MPDZ: variants seen among roughly 807,000 people sequenced by gnomAD.
MPDZ encodes multiple PDZ domain protein.
A neutral mutation model predicts 239.1 loss-of-function variants in MPDZ; 234 were observed. The ratio of observed to expected loss-of-function variants is 0.98; its 90% CI spans 0.88 to 1.09. The LOEUF (loss-of-function observed/expected upper bound fraction) is 1.09, where lower values mean the gene tolerates loss of function less well. Among genes scored for constraint, MPDZ ranks in the 50% least tolerant of loss-of-function variants. The probability of loss-of-function intolerance (pLI) is 0.00; values close to 1 mark genes in which losing one functional copy is unlikely to be tolerated. For missense variants in MPDZ, 3,175 were observed against 2,510.0 expected (o/e 1.26, Z -5.66); for synonymous variants, 1,048 against 881.3 (o/e 1.19, Z -3.35).
intron 3 of MPDZ, among the ~76,000 whole-genome samples, chr9:13,225,568 A>C (rs1960313846): frequency 6.6e-6 from 1 of 151,884 alleles, no homozygotes; most frequent in African/African-American, 2.4e-5. Context: ...CAGGTGTACC[A>C]TTTTTTACCT....
intron 41 of MPDZ, 25 bp downstream of exon 41, chr9:13,113,906 G>C (rs776220471): frequency 6.5e-6 from 10 of 1,542,124 alleles, no homozygotes; most frequent in South Asian, 1.2e-5. Flanking sequence ...TTCAAACCAT[G>C]TTTAAAATAC....
intron 1 of MPDZ, among the ~76,000 whole-genome samples, chr9:13,276,101 CAACT>C (rs1332615353): frequency 2.6e-5 from 4 of 152,110 alleles, no homozygotes; most frequent in Admixed American, 2.6e-4. Context: ...TAGATTCCTC[CAACT>C]AAGACCCTAC....
chr9:13,183,823 G>A (rs1045699231), intron 18 of MPDZ, among the ~76,000 whole-genome samples: 1 of 151,926 alleles, frequency 6.6e-6, no homozygotes, highest in African/African-American at 2.4e-5. Flanking sequence ...AAGGGCTAAA[G>A]GCAACAATTA....
intron 3 of MPDZ, among the ~76,000 whole-genome samples, chr9:13,233,376 TCACAGA>T (rs1488718140): frequency 3.9e-5 from 6 of 152,004 alleles, no homozygotes; most frequent in East Asian, 1.9e-4. Context: ...CAAATGAATC[TCACAGA>T]CACAAAGACA....
intron 35 of MPDZ, 75 bp from the exon 36 acceptor site, chr9:13,123,373 T>C (rs764651189): frequency 3.2e-5 from 42 of 1,330,218 alleles, no homozygotes; most frequent in Non-Finnish European, 4.0e-5. Context: ...ATCACACAGA[T>C]TGACTCTGAG....
chr9:13,231,161 T>TA (rs1367118928), intron 3 of MPDZ, among the ~76,000 whole-genome samples: 2 of 151,146 alleles, frequency 1.3e-5, no homozygotes, highest in African/African-American at 4.9e-5. Flanking sequence ...GCATTGGGAA[T>TA]AAAAAAAAGG....
intron 22 of MPDZ, among the ~76,000 whole-genome samples, chr9:13,165,753 AC>A (rs139311354): frequency 6.6e-6 from 1 of 152,316 alleles, no homozygotes; most frequent in East Asian, 1.9e-4. Flanking sequence ...GCTGCTAAGC[AC>A]AAAACCCTGG....
chr9:13,272,700 TAAAAAAAAAAAAAAAA>T (rs539786957), intron 1 of MPDZ, among the ~76,000 whole-genome samples: 1 of 78,584 alleles, frequency 1.3e-5, no homozygotes, highest in Non-Finnish European at 2.5e-5. Context: ...CTGTTCCTAC[TAAAAAAAAAAAAAAAA>T]AAAAAGAAGA....
At position 13,150,577 on chromosome 9, in the gene MPDZ, T is replaced by C; in HGVS notation, c.3564A>G (p.Lys1188=). The C allele has an allele frequency of 6.4e-7, 1 of 1,565,544 alleles. No individual in the cohort carries two copies. Among genetic ancestry groups the C allele is most frequent in the South Asian group, 1.2e-5 (1 of 81,976 alleles). ...CAGCTGGACTATCTTCCAGAACATG[T>C]TTGATGAAAATGCCCCTCATCACTT... ...NGEVMRGIFI[K]HVLEDSPAGK... is the part of the protein sequence containing the mutation. Residue 1188 remains lysine, a synonymous_variant, in exon 25 of 47, where the codon AAA becomes AAG. Coordinates refer to ENST00000319217, the MANE Select transcript of MPDZ (RefSeq NM_001378778.1).
In MPDZ at chr9:13,220,087, G is replaced by A. The variant is rs533512423; in HGVS notation, c.877-319C>T. ...AATGCCTTTTTGTGAATTTTTTGGA[G>A]GGAAAGAAGAAAATGCCCTTAAGCA... On this transcript the variant is annotated intron_variant, in intron 7 of 46. Transcript: ENST00000319217. 1.3e-4 allele frequency among the ~76,000 whole-genome samples: 20 copies of A among 151,918 alleles called. No homozygotes were observed. The South Asian group carries it at 3.9e-3, about 30-fold the overall frequency.
intron 1 of MPDZ, among the ~76,000 whole-genome samples, chr9:13,271,928 G>A (rs1446840129): frequency 1.3e-5 from 2 of 152,060 alleles, no homozygotes; most frequent in Non-Finnish European, 2.9e-5. Context: ...TAAAGCTCTA[G>A]AGAACGCAAA....
At chr9:13,233,040 G>A (rs1294934678) in intron 3 of MPDZ, among the ~76,000 whole-genome samples, 1 of 152,000 alleles carries the variant, frequency 6.6e-6, no homozygotes, top group Non-Finnish European at 1.5e-5. Context: ...ATTTAAAGTG[G>A]GTAGTACTAA....
chr9:13,168,284 A>AGAAGTGAAT (rs1951332067), intron 22 of MPDZ, 82 bp downstream of exon 22: 4 of 1,281,000 alleles, frequency 3.1e-6, no homozygotes, highest in Non-Finnish European at 4.4e-6. Context: ...CATCTCAAAC[A>AGAAGTGAAT]GAAGTGAATA....
intron 3 of MPDZ, among the ~76,000 whole-genome samples, chr9:13,240,401 AT>A (rs1965097197): frequency 6.6e-6 from 1 of 151,870 alleles, no homozygotes; most frequent in Non-Finnish European, 1.5e-5. Flanking sequence ...AGAATCTATG[AT>A]TAAAATCTGG....
intron 1 of MPDZ, among the ~76,000 whole-genome samples, chr9:13,267,752 G>A (rs1160372592): frequency 1.3e-5 from 2 of 152,182 alleles, no homozygotes; most frequent in Non-Finnish European, 1.5e-5. Flanking sequence ...AGGGAGAAGG[G>A]ATGGAAAGAT....
chr9:13,273,935 T>C (rs779935502), intron 1 of MPDZ, among the ~76,000 whole-genome samples: 20 of 152,334 alleles, frequency 1.3e-4, no homozygotes, highest in Admixed American at 2.6e-4. Context: ...ACTCAAATTA[T>C]ATAACATTTA....
chr9:13,251,620 TTC>T (rs1968037425), intron 1 of MPDZ, among the ~76,000 whole-genome samples: 2 of 152,196 alleles, frequency 1.3e-5, no homozygotes, highest in Admixed American at 6.5e-5. Context: ...AAAATGGAAT[TTC>T]TCTTAGAAAG....
intron 7 of MPDZ, among the ~76,000 whole-genome samples, chr9:13,220,325 G>A (rs978374446): frequency 6.6e-6 from 1 of 151,968 alleles, no homozygotes; most frequent in African/African-American, 2.4e-5. Flanking sequence ...TACACATGCA[G>A]TCCATTAACT....
At chr9:13,138,868 T>A (rs572724628) in intron 28 of MPDZ, among the ~76,000 whole-genome samples, 2 of 152,320 alleles carry the variant, frequency 1.3e-5, no homozygotes, top group Admixed American at 6.5e-5. Flanking sequence ...AAATGAGCTG[T>A]CTTGGAAGTC....
Sources: gnomAD v4.1 joint callset for allele counts (sites outside exome capture counted in the v4.1 genomes callset) on GRCh38, gnomAD v4.1.1 for gene constraint, MANE v1.5 for transcripts, NCBI Gene and HGNC (gene_info 2026-07-23, HGNC 2026-07-21) for gene names.